The following COL6A1 variants were observed in gnomAD, a reference collection of about 807,000 sequenced individuals.
The protein encoded by COL6A1 is collagen type VI alpha 1 chain, also known as collagen alpha-1(VI) chain.
In COL6A1, 80 loss-of-function variants were observed where a neutral mutation model predicts 145.6. The observed-to-expected ratio is 0.55, with a 90% CI of 0.46 to 0.66. COL6A1 has a LOEUF of 0.66. COL6A1 is among the 30% of genes least tolerant of loss of function. The pLI, the probability that COL6A1 is intolerant of heterozygous loss-of-function variation, is 0.00. For missense variants in COL6A1, 1,364 were observed against 1,473.8 expected, an observed-to-expected ratio of 0.93 and a Z score of 1.22; for synonymous variants, 638 against 622.8, an observed-to-expected ratio of 1.02 and a Z score of -0.36.
rs763432919 is a variant in COL6A1, at chr21:45,989,152, G to A, written c.858+15G>A. 9 of 1,590,392 alleles carry A rather than the reference G, an allele frequency of 5.7e-6. No homozygotes were observed. Among genetic ancestry groups the A allele is most frequent in the Non-Finnish European group, 6.8e-6 (8 of 1,170,940 alleles). ...CCGGAGATCCTGTGAGTGCCTGACT[G>A]TGGGGTGGGGGCCCTAAGAAGCTGG... On this transcript the variant is annotated intron_variant, in intron 9 of 34. Coordinates refer to ENST00000361866, the MANE Select transcript of COL6A1 (RefSeq NM_001848.3).
At chr21:45,989,990 C>T (rs2077764656) in intron 11 of COL6A1, among the ~76,000 whole-genome samples, 1 of 150,866 alleles carries the variant, frequency 6.6e-6, no homozygotes, top group Admixed American at 6.6e-5. Flanking sequence ...TTCACCCCAC[C>T]CCAGAGCAGG....
chr21:45,995,766 G>C (rs1234662877), intron 20 of COL6A1, among the ~76,000 whole-genome samples: 1 of 152,220 alleles, frequency 6.6e-6, no homozygotes, highest in Non-Finnish European at 1.5e-5. Context: ...TTCCCCCAAC[G>C]CCTGAGACCA....
intron 19 of COL6A1, among the ~76,000 whole-genome samples, chr21:45,993,856 G>A (rs1302959325): frequency 6.6e-6 from 1 of 152,246 alleles, no homozygotes. Flanking sequence ...CGGGCCACAA[G>A]TCCATGGCTA....
rs890328504 is a variant in COL6A1, at chr21:45,994,357, G to A, written c.1398+128G>A. ...GGGCCTCTGTGTTTCCGTAGATCTCGGGGGTGTCCCTGCGTGGGAGCCGGC... is the reference window on the plus strand; with the variant it reads ...GGGCCTCTGTGTTTCCGTAGATCTCAGGGGTGTCCCTGCGTGGGAGCCGGC... On this transcript the variant is annotated intron_variant, in intron 20 of 34. Coordinates refer to ENST00000361866, the MANE Select transcript of COL6A1 (RefSeq NM_001848.3). The surrounding 1 kb of genome is among the most constrained non-coding windows in gnomAD (Gnocchi z 6.8). 4.1e-5 allele frequency: 40 copies of A among 969,454 alleles called. 1 individual carries two copies. In the Admixed American group the frequency reaches 4.9e-4, roughly 12 times the overall value. The allele number at this position is 969,454 out of a possible 1,614,324, so 60.1% of individuals were successfully genotyped here. A position where few individuals can be genotyped will look rare whatever the true frequency, so the allele number is the denominator to read the frequency against.
intron 22 of COL6A1, 117 bp from the exon 23 acceptor site, chr21:45,998,004 G>C (rs1398388076): frequency 1.5e-6 from 2 of 1,348,732 alleles, no homozygotes; most frequent in South Asian, 1.2e-5. Context: ...AGGGGAGGGA[G>C]CCGGCTTCTG....
chr21:45,983,521 C>T (rs12482177), intron 2 of COL6A1, among the ~76,000 whole-genome samples: 106,576 of 152,092 alleles, frequency 0.7, 38,457 homozygotes, highest in Middle Eastern at 0.79. Flanking sequence ...CGGAGCCTCC[C>T]GCCACCAGAA....
At position 46,004,015 on chromosome 21, in the gene COL6A1, C is replaced by T; in HGVS notation, c.*2C>T. The T allele has an allele frequency of 6.2e-7, 1 of 1,613,104 alleles. No individual in the cohort carries two copies. Among genetic ancestry groups the T allele is most frequent in the Admixed American group, 1.7e-5 (1 of 60,034 alleles). On this transcript the variant is annotated 3_prime_UTR_variant, in exon 35 of 35. Coordinates refer to ENST00000361866, the MANE Select transcript of COL6A1 (RefSeq NM_001848.3). ...TCCAGGAAGGTGGCGCTGGGCTAGC[C>T]CACCCTGCACGCCGGCACCAAACCC...
At chr21:46,000,101 C>CAT (rs2077834682) in intron 27 of COL6A1, among the ~76,000 whole-genome samples, 4 of 143,950 alleles carry the variant, frequency 2.8e-5, no homozygotes, top group African/African-American at 1.0e-4. Context: ...TGAGGGGACC[C>CAT]GTGACGGCCA....
At chr21:46,001,923 G>A in intron 30 of COL6A1, 38 bp from the exon 31 acceptor site, 1 of 1,571,290 alleles carries the variant, frequency 6.4e-7, no homozygotes. Flanking sequence ...CGGACCTGGG[G>A]CAGCACTCGC....
rs529325521 is a variant in COL6A1, at chr21:45,986,997, G to A, written c.642G>A (p.Thr214=). ...ACCACACGTACCGGCGCAACTTCACGGCGGCTGACTGGGGCCAGAGCCGCG... is the reference window on the plus strand; with the variant it reads ...ACCACACGTACCGGCGCAACTTCACAGCGGCTGACTGGGGCCAGAGCCGCG... ...ATDHTYRRNF[T]AADWGQSRDA... The change falls in exon 5 of 35, where the codon ACG becomes ACA. Residue 214 remains threonine (T), a synonymous_variant. Transcript: ENST00000361866. 2.0e-5 allele frequency: 31 copies of A among 1,551,554 alleles called. No individual in the cohort carries two copies. The South Asian group carries it at 2.4e-4, about 12-fold the overall frequency.
At chr21:46,002,997 G>A (rs995195316) in intron 33 of COL6A1, 123 bp from the exon 34 acceptor site, 39 of 1,432,560 alleles carry the variant, frequency 2.7e-5, no homozygotes, top group African/African-American at 4.2e-5. Context: ...TCCTCCTCCC[G>A]GCTCGCTGTG....
chr21:45,999,935 TGGG>T (rs112799154), intron 27 of COL6A1, among the ~76,000 whole-genome samples: 662 of 5,762 alleles, frequency 0.11, 37 homozygotes, highest in Non-Finnish European at 0.13. Context: ...GTGAGGATCA[TGGG>T]GGGGACGTGT....
intron 24 of COL6A1, 21 bp downstream of exon 24, chr21:45,998,454 A>T (rs777568441): frequency 1.2e-6 from 2 of 1,613,086 alleles, no homozygotes; most frequent in East Asian, 4.5e-5. Flanking sequence ...CCCCTCCTCC[A>T]TCTGGCTGTG....
chr21:46,001,177 G>A lies in COL6A1; in HGVS notation c.1823-76G>A, dbSNP rs952933052. 21 of 1,568,618 alleles carry A rather than the reference G, an allele frequency of 1.3e-5. No homozygotes were observed. In the African/African-American group the frequency reaches 2.3e-4, roughly 17 times the overall value. On this transcript the variant is annotated intron_variant, in intron 29 of 34. Transcript: ENST00000361866. ...GTGAGGATGTGGCAGCCAAGGAGGG[G>A]CCAGGGCGGTGGAGGGGAGGGGCCA...
At chr21:45,991,129 T>C in intron 15 of COL6A1, 88 bp downstream of exon 15, 1 of 1,446,244 alleles carries the variant, frequency 6.9e-7, no homozygotes. Flanking sequence ...CAAGTCCTGG[T>C]CCGAGCATGT....
chr21:45,993,323 G>A (rs915828236), intron 19 of COL6A1, among the ~76,000 whole-genome samples: 1 of 152,214 alleles, frequency 6.6e-6, no homozygotes, highest in African/African-American at 2.4e-5. Context: ...GAAGCACAGG[G>A]CCCTTCTCTG....
chr21:45,983,175 G>A (rs572158703), intron 2 of COL6A1, among the ~76,000 whole-genome samples: 1 of 152,202 alleles, frequency 6.6e-6, no homozygotes, highest in African/African-American at 2.4e-5. Flanking sequence ...GGTTTGTTCC[G>A]TGGGCAGTGA....
Position 45,999,896 on chromosome 21 carries a change from A to AGGGCATGTGAGGATCATG in COL6A1, c.1776+207_1776+208insCATGTGAGGATCATGGGG. On this transcript the variant is annotated intron_variant, in intron 27 of 34. Transcript: ENST00000361866. Reference sequence around the variant, plus strand: ...ATAGGGGGATGTGTGAGGACCATAGAGGGGACATGTGAGGATCATGGGGGA... The same window carrying AGGGCATGTGAGGATCATG: ...ATAGGGGGATGTGTGAGGACCATAGAGGGCATGTGAGGATCATGGGGGACATGTGAGGATCATGGGGGA... Among the ~76,000 whole-genome samples the AGGGCATGTGAGGATCATG allele has an allele frequency of 4.6e-4, 4 of 8,648 alleles. 1 individual carries two copies. Among genetic ancestry groups the AGGGCATGTGAGGATCATG allele is most frequent in the African/African-American group, 1.9e-3 (4 of 2,114 alleles). The allele number at this position is 8,648 out of a possible 152,430, so 5.7% of individuals were successfully genotyped here. A position where few individuals can be genotyped will look rare whatever the true frequency, so the allele number is the denominator to read the frequency against.
chr21:45,989,811 C>A, intron 11 of COL6A1, 33 bp downstream of exon 11: 1 of 1,612,594 alleles, frequency 6.2e-7, no homozygotes, highest in South Asian at 1.1e-5. Context: ...GCTGGTCTCT[C>A]CAGGCGCAGA....
Sources: gnomAD v4.1 joint callset for allele counts (sites outside exome capture counted in the v4.1 genomes callset) on GRCh38, gnomAD v4.1.1 for gene constraint, Gnocchi (gnomAD v3.1) non-coding constraint, MANE v1.5 for transcripts, NCBI Gene and HGNC (gene_info 2026-07-23, HGNC 2026-07-21) for gene names.